The following NEGR1 variants were observed in gnomAD, a reference collection of about 807,000 sequenced individuals.
NEGR1 encodes IgLON family member 4.
In NEGR1, 10 loss-of-function variants were observed where a neutral mutation model predicts 40.9. The ratio of observed to expected loss-of-function variants is 0.24; its 90% confidence interval spans 0.15 to 0.42. NEGR1 has a LOEUF of 0.42. Among genes scored for constraint, NEGR1 ranks in the 10% least tolerant of loss-of-function variants. NEGR1 has a pLI of 1.00. For synonymous variants in NEGR1, 185 were observed against 166.8 expected, an observed-to-expected ratio of 1.11 and a Z score of -0.84; for missense variants, 352 against 438.9, an observed-to-expected ratio of 0.80 and a Z score of 1.77.
intron 1 of NEGR1, among the ~76,000 whole-genome samples, chr1:72,271,751 C>T (rs1301219862): frequency 6.6e-6 from 1 of 151,826 alleles, no homozygotes; most frequent in Non-Finnish European, 1.5e-5. Flanking sequence ...CACGTGTTGT[C>T]CCAGAATTCC....
At chr1:71,535,215 T>A (rs1192411189) in intron 6 of NEGR1, among the ~76,000 whole-genome samples, 1 of 151,736 alleles carries the variant, frequency 6.6e-6, no homozygotes, top group African/African-American at 2.4e-5. Flanking sequence ...CAGGCTTTTC[T>A]ATGTTCCGTA....
intron 1 of NEGR1, among the ~76,000 whole-genome samples, chr1:72,168,634 A>G (rs911423309): frequency 6.6e-6 from 1 of 152,210 alleles, no homozygotes; most frequent in Non-Finnish European, 1.5e-5. Flanking sequence ...TCGTGTCTGT[A>G]ATCCCAGCAC....
At chr1:71,738,478 A>G (rs1655108564) in intron 3 of NEGR1, 1 of 155,094 alleles carries the variant, frequency 6.4e-6, no homozygotes, top group Non-Finnish European at 1.4e-5. Context: ...GTAAATGTCA[A>G]TATGAGGGCA....
At chr1:71,578,636 TG>T (rs1313909523) in intron 6 of NEGR1, among the ~76,000 whole-genome samples, 1 of 152,022 alleles carries the variant, frequency 6.6e-6, no homozygotes, top group African/African-American at 2.4e-5. Context: ...TAAATGTCTT[TG>T]GGGGGCTTCT....
At chr1:71,506,266 G>T (rs1334317205) in intron 6 of NEGR1, among the ~76,000 whole-genome samples, 1 of 152,084 alleles carries the variant, frequency 6.6e-6, no homozygotes, top group Non-Finnish European at 1.5e-5. Context: ...CCTGGTCCTG[G>T]CCCTCTCATC....
At chr1:71,633,200 T>A (rs907980246) in intron 4 of NEGR1, among the ~76,000 whole-genome samples, 1 of 152,110 alleles carries the variant, frequency 6.6e-6, no homozygotes, top group South Asian at 2.1e-4. Context: ...ATTTCACTTA[T>A]GAGCTACACA....
At chr1:72,082,669 A>C (rs906012851) in intron 1 of NEGR1, among the ~76,000 whole-genome samples, 3 of 151,892 alleles carry the variant, frequency 2.0e-5, no homozygotes, top group Non-Finnish European at 4.4e-5. Context: ...TTATGCTTTC[A>C]AAACAACAAA....
chr1:71,814,242 T>C (rs1292856323), intron 2 of NEGR1, among the ~76,000 whole-genome samples: 1 of 152,128 alleles, frequency 6.6e-6, no homozygotes, highest in African/African-American at 2.4e-5. Context: ...GAAACAGCCT[T>C]GTGTCCTGGG....
At chr1:71,933,675 GATGAACTTTTGTGAAA>G (rs1486298012) in intron 2 of NEGR1, among the ~76,000 whole-genome samples, 1 of 151,966 alleles carries the variant, frequency 6.6e-6, no homozygotes, top group Non-Finnish European at 1.5e-5. Flanking sequence ...TCTGATTAAA[GATGAACTTTTGTGAAA>G]ATGTTATTAT....
In NEGR1 at chr1:71,406,093, A is replaced by G. The variant is rs938691320; in HGVS notation, c.*1353T>C. ...GTCTTTATTTGATCGCATCTTACAT[A>G]TATCATGTAAGGAAAAATAAAGGAT... is the stretch of plus-strand genomic sequence containing the variant. On this transcript the variant is annotated 3_prime_UTR_variant, in exon 7 of 7. Transcript: ENST00000357731. The G allele has an allele frequency of 6.6e-6, 1 of 152,136 alleles. No homozygotes were observed. Among genetic ancestry groups the G allele is most frequent in the African/African-American group, 2.4e-5 (1 of 41,380 alleles). The allele number at this position is 152,136 out of a possible 1,614,324, so 9.4% of individuals were successfully genotyped here.
chr1:72,060,555 T>A (rs1557506278), intron 1 of NEGR1, among the ~76,000 whole-genome samples: 1 of 151,660 alleles, frequency 6.6e-6, no homozygotes, highest in African/African-American at 2.4e-5. Flanking sequence ...TAAGGCCAAT[T>A]TTAATAACCT....
At chr1:71,533,820 A>G (rs2101447276) in intron 6 of NEGR1, among the ~76,000 whole-genome samples, 1 of 151,804 alleles carries the variant, frequency 6.6e-6, no homozygotes. Context: ...ATCACTGGCA[A>G]TGCTAAAGGA....
intron 1 of NEGR1, among the ~76,000 whole-genome samples, chr1:72,098,647 A>G (rs541884075): frequency 6.6e-6 from 1 of 152,152 alleles, no homozygotes; most frequent in South Asian, 2.1e-4. Context: ...ACTCTTTCTC[A>G]TTTTCCTATT....
At chr1:71,579,707 C>T (rs966388600) in intron 6 of NEGR1, among the ~76,000 whole-genome samples, 1 of 150,784 alleles carries the variant, frequency 6.6e-6, no homozygotes, top group Non-Finnish European at 1.5e-5. Context: ...CTGATTCTAG[C>T]CAGGTTAGAG....
chr1:71,764,558 C>T (rs750052548), intron 3 of NEGR1, among the ~76,000 whole-genome samples: 1 of 152,066 alleles, frequency 6.6e-6, no homozygotes, highest in Non-Finnish European at 1.5e-5. Context: ...AGAGACAACT[C>T]GCAACATCAA....
chr1:71,494,187 G>C (rs1646947238), intron 6 of NEGR1, among the ~76,000 whole-genome samples: 1 of 152,136 alleles, frequency 6.6e-6, no homozygotes, highest in Non-Finnish European at 1.5e-5. Flanking sequence ...TTAACAAGGT[G>C]ATTTATGATG....
chr1:71,908,717 T>C (rs1296181467), intron 2 of NEGR1, among the ~76,000 whole-genome samples: 1 of 152,192 alleles, frequency 6.6e-6, no homozygotes, highest in Non-Finnish European at 1.5e-5. Flanking sequence ...CTAAATCCTC[T>C]TCAATGTCTA....
intron 1 of NEGR1, among the ~76,000 whole-genome samples, chr1:72,084,892 T>A (rs973459294): frequency 6.6e-6 from 1 of 152,166 alleles, no homozygotes; most frequent in Non-Finnish European, 1.5e-5. Context: ...ATGCAGCACA[T>A]TGGAATGATG....
intron 1 of NEGR1, among the ~76,000 whole-genome samples, chr1:72,139,233 C>T (rs973941011): frequency 2.0e-5 from 3 of 149,960 alleles, no homozygotes; most frequent in Non-Finnish European, 4.4e-5. Context: ...TTCAACCTCC[C>T]CCTTAAGAAA....
Sources: gnomAD v4.1 joint callset for allele counts (sites outside exome capture counted in the v4.1 genomes callset) on GRCh38, gnomAD v4.1.1 for gene constraint, MANE v1.5 for transcripts, NCBI Gene and HGNC (gene_info 2026-07-23, HGNC 2026-07-21) for gene names.